CACNA2D3: variants seen among roughly 807,000 people sequenced by gnomAD.
The protein encoded by CACNA2D3 is voltage-dependent calcium channel subunit alpha-2/delta-3.
Under a neutral mutation model 160.6 loss-of-function variants are expected in CACNA2D3, and 60 were observed. The observed-to-expected ratio is 0.37, with a 90% CI of 0.30 to 0.46. The LOEUF (loss-of-function observed/expected upper bound fraction) is 0.46. Among genes scored for constraint, CACNA2D3 ranks in the 20% least tolerant of loss-of-function variants. The probability of loss-of-function intolerance (pLI) is 1.00; values close to 1 mark genes in which losing one functional copy is unlikely to be tolerated. For synonymous variants in CACNA2D3, 558 were observed against 492.9 expected, an observed-to-expected ratio of 1.13 and a Z score of -1.75; for missense variants, 1,205 against 1,365.0, an observed-to-expected ratio of 0.88 and a Z score of 1.85.
intron 11 of CACNA2D3, among the ~76,000 whole-genome samples, chr3:54,668,657 A>G (rs761126908): frequency 1.1e-4 from 17 of 152,302 alleles, no homozygotes; most frequent in Non-Finnish European, 2.1e-4. Context: ...ATCTTCACCA[A>G]CCCTGCAGGG....
At chr3:54,728,261 TC>T (rs1440017302) in intron 11 of CACNA2D3, among the ~76,000 whole-genome samples, 1 of 152,166 alleles carries the variant, frequency 6.6e-6, no homozygotes, top group Non-Finnish European at 1.5e-5. Flanking sequence ...TTTTGCTTCT[TC>T]TTTGTTGTCT....
In CACNA2D3 at chr3:54,704,178, G is replaced by A. The variant is rs1016941684; in HGVS notation, c.1168-48421G>A. ...TATTGCCAATGCAAATGCAGGAGGG[G>A]AAAAATTACTGGAACAAATTGAAAG... On this transcript the variant is annotated intron_variant, in intron 11 of 37. Coordinates refer to ENST00000474759, the MANE Select transcript of CACNA2D3 (RefSeq NM_018398.3). 5.9e-5 allele frequency among the ~76,000 whole-genome samples: 9 copies of A among 152,302 alleles called. No individual in the cohort carries two copies. In the Middle Eastern group the frequency reaches 0.01, roughly 173 times the overall value.
rs1703172152 is a variant in CACNA2D3 at position 54,807,785 on chromosome 3, G to A, written c.1381-9068G>A. On this transcript the variant is annotated intron_variant, in intron 13 of 37. Transcript: ENST00000474759. ...GTTTATTGTGGCACTATTCCCAATAGCAAAGACTTGGAACCAACCCAAATG... is the reference window on the plus strand; with the variant it reads ...GTTTATTGTGGCACTATTCCCAATAACAAAGACTTGGAACCAACCCAAATG... 1.3e-5 allele frequency among the ~76,000 whole-genome samples: 2 copies of A among 151,962 alleles called. 1 individual carries two copies. Among genetic ancestry groups the A allele is most frequent in the South Asian group, 4.2e-4 (2 of 4,802 alleles).
rs549973159 is a variant in CACNA2D3, at chr3:54,892,150, GTT to G, written c.2246+705_2246+706del. On this transcript the variant is annotated intron_variant, in intron 25 of 37. Coordinates refer to ENST00000474759, the MANE Select transcript of CACNA2D3 (RefSeq NM_018398.3). ...AAGTCTTTTCTGAGTCTGTTAATAAGTTTTTTCTATTTCTTTTCTCTGAAGCA... is the reference window on the plus strand; with the variant it reads ...AAGTCTTTTCTGAGTCTGTTAATAAGTTTTCTATTTCTTTTCTCTGAAGCA... 1.4e-3 allele frequency among the ~76,000 whole-genome samples: 220 copies of G among 152,320 alleles called. 1 individual carries two copies. The highest frequency in any genetic ancestry group is 9.6e-3 in the East Asian group (50 of 5,194).
intron 31 of CACNA2D3, among the ~76,000 whole-genome samples, chr3:54,991,846 A>G (rs756649590): frequency 1.3e-5 from 2 of 152,216 alleles, no homozygotes; most frequent in Non-Finnish European, 2.9e-5. Flanking sequence ...AATATGTTAA[A>G]ATGCTTTTCA....
chr3:54,830,602 C>T (rs1002455453), intron 14 of CACNA2D3, among the ~76,000 whole-genome samples: 2 of 151,628 alleles, frequency 1.3e-5, no homozygotes, highest in South Asian at 2.1e-4. Context: ...TACAGGAGTG[C>T]CCCCACCACG....
At chr3:54,369,441 TCAGGGC>T in intron 3 of CACNA2D3, among the ~76,000 whole-genome samples, 1 of 152,116 alleles carries the variant, frequency 6.6e-6, no homozygotes, top group East Asian at 1.9e-4. Flanking sequence ...ACCGGACAAG[TCAGGGC>T]CTTGACTTCG....
intron 29 of CACNA2D3, among the ~76,000 whole-genome samples, chr3:54,971,994 T>G (rs9827815): frequency 0.56 from 85,604 of 151,842 alleles, 24,347 homozygotes; most frequent in East Asian, 0.73. Context: ...ATAAATGTTG[T>G]TTATAAATTT....
intron 2 of CACNA2D3, among the ~76,000 whole-genome samples, chr3:54,167,943 A>G (rs1036175268): frequency 1.3e-5 from 2 of 152,174 alleles, no homozygotes; most frequent in Non-Finnish European, 2.9e-5. Flanking sequence ...TTTCTTCTCC[A>G]TGAATGACAG....
chr3:54,995,780 GT>G (rs1268133151), intron 31 of CACNA2D3, among the ~76,000 whole-genome samples: 1 of 152,192 alleles, frequency 6.6e-6, no homozygotes, highest in Non-Finnish European at 1.5e-5. Context: ...AATAGTTATT[GT>G]GAAACTACTG....
At chr3:54,142,449 C>G (rs189040146) in intron 2 of CACNA2D3, among the ~76,000 whole-genome samples, 1 of 152,298 alleles carries the variant, frequency 6.6e-6, no homozygotes, top group East Asian at 1.9e-4. Flanking sequence ...CTCTTTGTAC[C>G]TCACTTTGTT....
At chr3:54,474,735 G>C (rs1282044866) in intron 4 of CACNA2D3, among the ~76,000 whole-genome samples, 1 of 151,974 alleles carries the variant, frequency 6.6e-6, no homozygotes, top group Non-Finnish European at 1.5e-5. Context: ...GGCTGGTCTA[G>C]GTCCCAGGAT....
intron 2 of CACNA2D3, among the ~76,000 whole-genome samples, chr3:54,256,226 T>C (rs1166308860): frequency 6.6e-6 from 1 of 152,166 alleles, no homozygotes; most frequent in Non-Finnish European, 1.5e-5. Flanking sequence ...TGAAGTCTTG[T>C]TGTACCTGGA....
At chr3:54,393,883 C>G (rs377186325) in intron 4 of CACNA2D3, among the ~76,000 whole-genome samples, 3 of 152,334 alleles carry the variant, frequency 2.0e-5, no homozygotes, top group East Asian at 3.9e-4. Flanking sequence ...AGACACCCGT[C>G]TTCTTGGGGA....
intron 4 of CACNA2D3, among the ~76,000 whole-genome samples, chr3:54,388,769 C>T (rs962708770): frequency 6.6e-6 from 1 of 152,088 alleles, no homozygotes; most frequent in African/African-American, 2.4e-5. Flanking sequence ...TAGAGTGGGC[C>T]AGAAGGGATT....
At chr3:54,768,064 AGGTCT>A (rs1702254621) in intron 13 of CACNA2D3, among the ~76,000 whole-genome samples, 1 of 152,160 alleles carries the variant, frequency 6.6e-6, no homozygotes, top group Non-Finnish European at 1.5e-5. Flanking sequence ...GTTAGGGCAA[AGGTCT>A]GTCAATGGAT....
At chr3:54,461,239 T>G (rs1039473339) in intron 4 of CACNA2D3, among the ~76,000 whole-genome samples, 1 of 151,894 alleles carries the variant, frequency 6.6e-6, no homozygotes, top group Non-Finnish European at 1.5e-5. Flanking sequence ...AAAATTCTCT[T>G]TTTTGGTTGT....
At chr3:54,749,621 TTAAAG>T (rs1246585514) in intron 11 of CACNA2D3, among the ~76,000 whole-genome samples, 3 of 152,232 alleles carry the variant, frequency 2.0e-5, no homozygotes, top group Non-Finnish European at 4.4e-5. Context: ...ATTTCCTACT[TTAAAG>T]TAAAATCTCT....
At chr3:54,613,220 G>A (rs1460215133) in intron 9 of CACNA2D3, among the ~76,000 whole-genome samples, 3 of 152,214 alleles carry the variant, frequency 2.0e-5, no homozygotes, top group African/African-American at 7.2e-5. Context: ...TCAGAAAAAT[G>A]ACTTGGATAA....
Sources: gnomAD v4.1 joint callset for allele counts (sites outside exome capture counted in the v4.1 genomes callset) on GRCh38, gnomAD v4.1.1 for gene constraint, MANE v1.5 for transcripts, NCBI Gene and HGNC (gene_info 2026-07-23, HGNC 2026-07-21) for gene names.